ADGRB3: variants seen among roughly 807,000 people sequenced by gnomAD.
ADGRB3 encodes the protein brain-specific angiogenesis inhibitor 3.
A neutral mutation model predicts 193.4 loss-of-function variants in ADGRB3; 37 were observed. The ratio of observed to expected loss-of-function variants is 0.19; its 90% CI spans 0.15 to 0.25. ADGRB3 has a LOEUF of 0.25. Ranked by LOEUF, ADGRB3 falls within the 10% of genes least tolerant of loss-of-function variation. The probability of loss-of-function intolerance (pLI) is 1.00; values close to 1 mark genes in which losing one functional copy is unlikely to be tolerated. For synonymous variants in ADGRB3, 690 were observed against 644.2 expected (o/e 1.07, Z -1.08); for missense variants, 1,637 against 1,852.9 (o/e 0.88, Z 2.14).
rs1041911183 is a variant in ADGRB3 at position 68,861,656 on chromosome 6, A to G, written c.758-68903A>G. 2.6e-5 allele frequency among the ~76,000 whole-genome samples: 4 copies of G among 152,236 alleles called. No individual in the cohort carries two copies. The East Asian group carries it at 7.7e-4, about 29-fold the overall frequency. On this transcript the variant is annotated intron_variant, in intron 3 of 31. Transcript: ENST00000370598. ...TGTACTATTTTATTTTCAAGAGACC[A>G]TAGCAAAATTAACTGCCTTCAGTTT...
Position 68,943,890 on chromosome 6 carries a change from G to T in ADGRB3, c.1091G>T (p.Gly364Val), listed in dbSNP as rs1357705446. ...WSLCSFTCGR[G>V]QRTRTRSCTP... ...TTATGTTCATTTACATGTGGTCGAG[G>T]CCAAAGAACAAGAACAAGGTCATGC... The change falls in exon 6 of 32, where the codon GGC (glycine) becomes GTC (valine). Residue 364 changes from glycine to valine, a missense_variant. By Grantham distance (109) the Gly-to-Val change is moderately radical. Coordinates refer to ENST00000370598, the MANE Select transcript of ADGRB3 (RefSeq NM_001704.3). The T allele has an allele frequency of 6.2e-7, 1 of 1,613,846 alleles. No individual in the cohort carries two copies. The highest frequency in any genetic ancestry group is 8.5e-7 in the Non-Finnish European group (1 of 1,179,824).
At chr6:69,219,197 C>T (rs921335914) in intron 17 of ADGRB3, among the ~76,000 whole-genome samples, 2 of 151,588 alleles carry the variant, frequency 1.3e-5, no homozygotes, top group African/African-American at 2.4e-5. Context: ...ATCTTTGTAC[C>T]GGTCTTTCTC....
chr6:68,958,872 TGTGTGTG>T (rs1423899047), intron 8 of ADGRB3, among the ~76,000 whole-genome samples: 38 of 28,900 alleles, frequency 1.3e-3, no homozygotes, highest in African/African-American at 4.5e-3. Context: ...AGAAAAATAG[TGTGTGTG>T]TGTGTGTGTG....
intron 31 of ADGRB3, among the ~76,000 whole-genome samples, chr6:69,386,425 A>G (rs1429630707): frequency 1.3e-5 from 2 of 152,098 alleles, no homozygotes; most frequent in African/African-American, 4.8e-5. Flanking sequence ...CTCGTGTATG[A>G]TAAATGAGTC....
At chr6:68,973,064 A>G (rs1266729754) in intron 8 of ADGRB3, among the ~76,000 whole-genome samples, 1 of 152,216 alleles carries the variant, frequency 6.6e-6, no homozygotes, top group African/African-American at 2.4e-5. Flanking sequence ...AACATTGCCT[A>G]TGTGTTTTAA....
intron 3 of ADGRB3, among the ~76,000 whole-genome samples, chr6:68,733,544 T>C (rs187442529): frequency 3.3e-5 from 5 of 151,864 alleles, no homozygotes; most frequent in African/African-American, 4.8e-5. Context: ...TATTCATTCC[T>C]GGGGAAATGC....
chr6:69,077,300 A>G (rs2170508), intron 17 of ADGRB3, among the ~76,000 whole-genome samples: 102,854 of 151,780 alleles, frequency 0.68, 35,785 homozygotes, highest in East Asian at 0.96. Context: ...GCTGCACTTA[A>G]TATGTTATAT....
chr6:68,677,045 GT>G (rs1769108449), intron 3 of ADGRB3, among the ~76,000 whole-genome samples: 1 of 152,156 alleles, frequency 6.6e-6, no homozygotes, highest in African/African-American at 2.4e-5. Flanking sequence ...AAGAATTCCT[GT>G]GTAGTGCACA....
intron 16 of ADGRB3, among the ~76,000 whole-genome samples, chr6:69,074,837 G>T (rs887312874): frequency 2.0e-5 from 3 of 152,186 alleles, no homozygotes; most frequent in East Asian, 3.9e-4. Flanking sequence ...GAGCCACTGC[G>T]CCCGGCCTCA....
intron 15 of ADGRB3, among the ~76,000 whole-genome samples, chr6:69,062,138 A>C (rs1323048104): frequency 6.6e-6 from 1 of 151,972 alleles, no homozygotes; most frequent in Non-Finnish European, 1.5e-5. Flanking sequence ...GTTATGAGTA[A>C]AATTAAATCA....
At chr6:68,915,186 C>A (rs977342850) in intron 3 of ADGRB3, among the ~76,000 whole-genome samples, 1 of 152,050 alleles carries the variant, frequency 6.6e-6, no homozygotes, top group Admixed American at 6.6e-5. Flanking sequence ...TTTTTTGAGT[C>A]CCAGATCCAG....
intron 20 of ADGRB3, among the ~76,000 whole-genome samples, chr6:69,261,744 C>T (rs1320504784): frequency 6.6e-6 from 1 of 151,680 alleles, no homozygotes; most frequent in Admixed American, 6.6e-5. Context: ...TTCAGTAATC[C>T]AAATTGTAAA....
chr6:69,191,244 C>A (rs1765180753), intron 17 of ADGRB3, among the ~76,000 whole-genome samples: 1 of 151,986 alleles, frequency 6.6e-6, no homozygotes, highest in Non-Finnish European at 1.5e-5. Flanking sequence ...TTTTCCATAA[C>A]AGCTTGCTGC....
intron 3 of ADGRB3, among the ~76,000 whole-genome samples, chr6:68,648,130 GT>G (rs1768258221): frequency 2.0e-5 from 3 of 152,124 alleles, no homozygotes; most frequent in Non-Finnish European, 2.9e-5. Context: ...GGCTGTAAAA[GT>G]TTAATAAAGT....
chr6:68,749,717 A>C (rs1766158721), intron 3 of ADGRB3, among the ~76,000 whole-genome samples: 2 of 152,116 alleles, frequency 1.3e-5, no homozygotes, highest in Admixed American at 6.6e-5. Context: ...CTGTTGCAGG[A>C]TACACTTAAA....
At chr6:69,363,513 A>G (rs1263503878) in intron 29 of ADGRB3, among the ~76,000 whole-genome samples, 3 of 152,030 alleles carry the variant, frequency 2.0e-5, no homozygotes, top group Non-Finnish European at 2.9e-5. Flanking sequence ...TAATCCTCAA[A>G]CTAGAGTCAT....
At position 69,169,872 on chromosome 6, in the gene ADGRB3, A is replaced by G. The variant is rs1011111219; in HGVS notation, c.2481-63418A>G. ...GACCTTGAATTAGACTATCATGCATAGCCTCTATTTAGTCTTAACAGCTTT... is the reference window on the plus strand; with the variant it reads ...GACCTTGAATTAGACTATCATGCATGGCCTCTATTTAGTCTTAACAGCTTT... On this transcript the variant is annotated intron_variant, in intron 17 of 31. Coordinates refer to ENST00000370598, the MANE Select transcript of ADGRB3 (RefSeq NM_001704.3). Among the ~76,000 whole-genome samples the G allele has an allele frequency of 1.1e-4, 17 of 152,132 alleles. 1 individual carries two copies. The highest frequency in any genetic ancestry group is 4.4e-5 in the Non-Finnish European group (3 of 67,990).
At chr6:69,099,816 C>T (rs1384247) in intron 17 of ADGRB3, among the ~76,000 whole-genome samples, 102,732 of 152,090 alleles carry the variant, frequency 0.68, 35,674 homozygotes, top group East Asian at 0.96. Flanking sequence ...TTAATCATTC[C>T]TCACCCAGTA....
In ADGRB3 at chr6:69,063,019, C is replaced by G. The variant is rs1771795067; in HGVS notation, c.2419C>G (p.Leu807Val). Residue 807 changes from leucine to valine, a missense_variant, in exon 16 of 32, where the codon CTA becomes GTA. Leu to Val is a conservative substitution (Grantham distance 32). Around this residue, in one of 7 missense-constraint regions of ADGRB3, gnomAD observed 641 missense variants for 673.9 expected, o/e 0.95. Transcript: ENST00000370598. ...KTTDSFLEIE[L>V]AHLANGTLNP... ...AACCGATTCGTTTCTGGAGATAGAACTAGCTCATTTGGCTAATGTAAGTAC... is the reference window on the plus strand; with the variant it reads ...AACCGATTCGTTTCTGGAGATAGAAGTAGCTCATTTGGCTAATGTAAGTAC... 2 of 1,611,488 alleles carry G rather than the reference C, an allele frequency of 1.2e-6. No homozygotes were observed. Among genetic ancestry groups the G allele is most frequent in the Admixed American group, 1.7e-5 (1 of 59,784 alleles).
Sources: allele counts gnomAD v4.1 joint callset (sites outside exome capture counted in the v4.1 genomes callset), GRCh38; gene constraint gnomAD v4.1.1; regional missense constraint gnomAD v4.1.1; transcripts MANE v1.5; gene names NCBI Gene and HGNC (gene_info 2026-07-23, HGNC 2026-07-21).